SH3GL1: variants seen among roughly 807,000 people sequenced by gnomAD.
SH3GL1 encodes the protein endophilin-A2.
SH3GL1 carries 21 observed loss-of-function variants against 48.8 expected under a neutral mutation model. That is an observed-to-expected ratio of 0.43 (90% confidence interval 0.30 to 0.62). SH3GL1 has a LOEUF of 0.62. SH3GL1 is among the 20% of genes least tolerant of loss of function. The pLI is 0.11. For synonymous variants in SH3GL1, 282 were observed against 217.5 expected (o/e 1.30, Z -2.61); for missense variants, 454 against 503.0 (o/e 0.90, Z 0.93).
chr19:4,383,372 A>G (rs1973174178), intron 1 of SH3GL1, among the ~76,000 whole-genome samples: 1 of 151,508 alleles, frequency 6.6e-6, no homozygotes. Context: ...GCATCACCAC[A>G]CAGAGTTATT....
intron 1 of SH3GL1, among the ~76,000 whole-genome samples, chr19:4,386,914 C>T (rs75177132): frequency 0.031 from 4,709 of 152,246 alleles, 117 homozygotes; most frequent in Non-Finnish European, 0.046. Context: ...AACACAACTC[C>T]GCTGCAATTC....
At chr19:4,369,524 G>A (rs1242747032) in intron 1 of SH3GL1, among the ~76,000 whole-genome samples, 4 of 152,212 alleles carry the variant, frequency 2.6e-5, no homozygotes, top group Non-Finnish European at 5.9e-5. Context: ...GCCTCTCACA[G>A]GGCAGGAGGA....
At position 4,360,515 on chromosome 19, in the gene SH3GL1, C is replaced by G. The variant is rs1599583991; in HGVS notation, c.*1085G>C. On this transcript the variant is annotated 3_prime_UTR_variant, in exon 10 of 10. Transcript: ENST00000269886. ...GGGTGCAGGGCAGGGCAGAGCAGAGCCTGGGGTCCGGAGGCTTCACTGGAC... is the reference window on the plus strand; with the variant it reads ...GGGTGCAGGGCAGGGCAGAGCAGAGGCTGGGGTCCGGAGGCTTCACTGGAC... 4.3e-6 allele frequency: 1 copy of G among 233,894 alleles called. No individual in the cohort carries two copies. Among genetic ancestry groups the G allele is most frequent in the Non-Finnish European group, 8.4e-6 (1 of 118,608 alleles). 14.5% of individuals were successfully genotyped at this position (233,894 alleles called of 1,614,324 possible). A position where few individuals can be genotyped will look rare whatever the true frequency, so the allele number is the denominator to read the frequency against.
intron 1 of SH3GL1, among the ~76,000 whole-genome samples, chr19:4,371,828 C>T (rs551284644): frequency 6.6e-6 from 1 of 152,334 alleles, no homozygotes; most frequent in East Asian, 1.9e-4. Flanking sequence ...TGCTACAGAG[C>T]CATCTCCGCG....
At position 4,368,409 on chromosome 19, in the gene SH3GL1, T is replaced by C. The variant is rs375674853; in HGVS notation, c.46-1415A>G. On this transcript the variant is annotated intron_variant, in intron 1 of 9. Transcript: ENST00000269886. ...CCCACGCCAGGCACCTGGTGTACCCTCTAGCCCATGCCTGGAGGTCACAGC... is the reference window on the plus strand; with the variant it reads ...CCCACGCCAGGCACCTGGTGTACCCCCTAGCCCATGCCTGGAGGTCACAGC... Among the ~76,000 whole-genome samples the C allele has an allele frequency of 2.2e-4, 34 of 152,280 alleles. No homozygotes were observed. In the South Asian group the frequency reaches 5.4e-3, roughly 24 times the overall value.
chr19:4,400,363 C>A lies in SH3GL1; in HGVS notation c.6G>T (p.Ser2=). The A allele has an allele frequency of 6.3e-7, 1 of 1,589,734 alleles. No homozygotes were observed. Among genetic ancestry groups the A allele is most frequent in the Non-Finnish European group, 8.5e-7 (1 of 1,172,278 alleles). The change falls in exon 1 of 10, where the codon TCG becomes TCT. Residue 2 remains serine (S), a synonymous_variant. Transcript: ENST00000269886. This position sits in a 1 kb window ranked among gnomAD's most constrained non-coding sequence, Gnocchi z 4.1. The stretch of plus-strand genomic sequence containing the variant: ...AGAACTGCTTCTTCAGCCCCGCCAC[C>A]GACATGCTGCCGCCCGCCGCCGAGC... The part of the protein sequence containing the change: M[S]VAGLKKQFYK...
At chr19:4,390,884 T>G (rs1263349366) in intron 1 of SH3GL1, among the ~76,000 whole-genome samples, 2 of 152,162 alleles carry the variant, frequency 1.3e-5, no homozygotes, top group Admixed American at 1.3e-4. Context: ...AACCTGCGGC[T>G]GCCTCCGAAA....
intron 1 of SH3GL1, among the ~76,000 whole-genome samples, chr19:4,391,435 C>G (rs1023389894): frequency 2.6e-5 from 4 of 152,182 alleles, no homozygotes; most frequent in African/African-American, 9.7e-5. Flanking sequence ...CCCACGGAGC[C>G]CCAACTGGTC....
intron 1 of SH3GL1, among the ~76,000 whole-genome samples, chr19:4,372,063 C>T (rs1490692185): frequency 1.3e-5 from 2 of 151,504 alleles, no homozygotes; most frequent in Non-Finnish European, 2.9e-5. Flanking sequence ...CCTACCTCAG[C>T]CTTCCAAGTG....
chr19:4,374,234 C>T (rs1380033532), intron 1 of SH3GL1, among the ~76,000 whole-genome samples: 1 of 152,234 alleles, frequency 6.6e-6, no homozygotes, highest in Admixed American at 6.5e-5. Flanking sequence ...GGAAAGAAGT[C>T]ACGCAGACGA....
In SH3GL1 at chr19:4,367,879, G is replaced by A. The variant is rs1449367480; in HGVS notation, c.46-885C>T. On this transcript the variant is annotated intron_variant, in intron 1 of 9. Transcript: ENST00000269886. This position sits in a 1 kb window ranked among gnomAD's most constrained non-coding sequence, Gnocchi z 4.2. ...CCATGTGTGCCTGGCGCCAAGGGAT[G>A]CCGCACAGAGTGAGGATGGACAGTG... 6.6e-6 allele frequency among the ~76,000 whole-genome samples: 1 copy of A among 152,206 alleles called. No individual in the cohort carries two copies. Among genetic ancestry groups the A allele is most frequent in the Non-Finnish European group, 1.5e-5 (1 of 68,038 alleles).
chr19:4,395,444 G>A (rs550475732), intron 1 of SH3GL1: 11 of 152,256 alleles, frequency 7.2e-5, no homozygotes, highest in African/African-American at 2.6e-4. Context: ...TGTGAACCAT[G>A]TTTCAGTCTT....
intron 1 of SH3GL1, among the ~76,000 whole-genome samples, chr19:4,384,732 A>C (rs775925643): frequency 6.6e-6 from 1 of 152,240 alleles, no homozygotes; most frequent in Non-Finnish European, 1.5e-5. Context: ...AATAACCACG[A>C]GGGAAAGCCA....
rs764525030 is a variant in SH3GL1 at position 4,363,858 on chromosome 19, C to T, written c.486G>A (p.Glu162=). The part of the protein sequence containing the change: ...KEIQHHLKKL[E]GRRLDFDYKK... ...TGTAGTCAAAGTCCAGGCGGCGGCC[C>T]TCCAGTTTCTTCAGGTGGTGCTGGA... Residue 162 remains glutamate, a synonymous_variant, in exon 6 of 10, where the codon GAG becomes GAA. Transcript: ENST00000269886. The T allele has an allele frequency of 3.1e-6, 5 of 1,612,572 alleles. No individual in the cohort carries two copies.
chr19:4,379,010 C>T (rs779542177), intron 1 of SH3GL1, among the ~76,000 whole-genome samples: 1 of 152,234 alleles, frequency 6.6e-6, no homozygotes, highest in African/African-American at 2.4e-5. Flanking sequence ...GCTGGCTGAT[C>T]GTGCACGAAA....
chr19:4,362,871 A>T, intron 7 of SH3GL1, 135 bp from the exon 8 acceptor site: 1 of 1,375,708 alleles, frequency 7.3e-7, no homozygotes. Flanking sequence ...TGACACATGG[A>T]CCCTGGGACA....
chr19:4,381,228 C>T (rs911970007), intron 1 of SH3GL1, among the ~76,000 whole-genome samples: 4 of 122,340 alleles, frequency 3.3e-5, no homozygotes, highest in South Asian at 3.3e-4. Flanking sequence ...GCCTCTGTCT[C>T]CCATCTCTCT....
intron 9 of SH3GL1, 111 bp downstream of exon 9, chr19:4,362,218 C>A (rs1048139549): frequency 8.8e-6 from 10 of 1,132,272 alleles, no homozygotes; most frequent in South Asian, 4.0e-5. Flanking sequence ...GCTGCACGAG[C>A]CTGGCCCCTC....
At chr19:4,370,836 C>A (rs558518090) in intron 1 of SH3GL1, among the ~76,000 whole-genome samples, 3 of 152,372 alleles carry the variant, frequency 2.0e-5, no homozygotes, top group African/African-American at 7.2e-5. Flanking sequence ...CCGGCTCAGT[C>A]AGGCCTGGCA....
Sources: allele counts gnomAD v4.1 joint callset (sites outside exome capture counted in the v4.1 genomes callset), GRCh38; gene constraint gnomAD v4.1.1; non-coding constraint Gnocchi (gnomAD v3.1); transcripts MANE v1.5; gene names NCBI Gene and HGNC (gene_info 2026-07-23, HGNC 2026-07-21).